The following SH3GL3 variants were observed in gnomAD, a reference collection of about 807,000 sequenced individuals.
SH3GL3 encodes the protein endophilin-A3.
SH3GL3 carries 33 observed loss-of-function variants against 47.7 expected under a neutral mutation model. The ratio of observed to expected loss-of-function variants is 0.69; its 90% confidence interval spans 0.52 to 0.92. SH3GL3 has a LOEUF of 0.92. SH3GL3 is among the 40% of genes least tolerant of loss of function. The probability of loss-of-function intolerance (pLI) is 0.00; values close to 1 mark genes in which losing one functional copy is unlikely to be tolerated. For missense variants in SH3GL3, 363 were observed against 417.8 expected (o/e 0.87, Z 1.14); for synonymous variants, 155 against 148.8 (o/e 1.04, Z -0.30).
intron 1 of SH3GL3, among the ~76,000 whole-genome samples, chr15:83,470,311 G>C (rs559116709): frequency 1.3e-5 from 2 of 152,244 alleles, no homozygotes; most frequent in South Asian, 4.1e-4. Flanking sequence ...TGCAACCTCT[G>C]CCTCCTGGGT....
intron 1 of SH3GL3, among the ~76,000 whole-genome samples, chr15:83,521,493 C>G (rs1254414124): frequency 1.3e-5 from 2 of 152,090 alleles, no homozygotes; most frequent in African/African-American, 2.4e-5. Flanking sequence ...CCAGGAGATA[C>G]CACAGCGCTC....
intron 5 of SH3GL3, among the ~76,000 whole-genome samples, chr15:83,575,255 G>A (rs1246767924): frequency 6.6e-6 from 1 of 152,112 alleles, no homozygotes; most frequent in African/African-American, 2.4e-5. Flanking sequence ...ATTTCTTCTT[G>A]TGCTGTCATC....
In SH3GL3 at chr15:83,572,646, C is replaced by A; in HGVS notation, c.413C>A (p.Thr138Asn). 1 of 1,611,400 alleles carries A rather than the reference C, an allele frequency of 6.2e-7. No individual in the cohort carries two copies. The change falls in exon 5 of 9, where the codon ACT becomes AAT. Residue 138 changes from threonine (T) to asparagine (N), a missense_variant. Coordinates refer to ENST00000427482, the MANE Select transcript of SH3GL3 (RefSeq NM_003027.5). ...TCTCTTGATATTAATGTAAAGCAAA[C>A]TTTTATTGATCCACTTCAGTTACTA... ...KDSLDINVKQ[T>N]FIDPLQLLQD...
intron 1 of SH3GL3, among the ~76,000 whole-genome samples, chr15:83,452,707 G>T: frequency 3.5e-5 from 1 of 28,290 alleles, no homozygotes; most frequent in Non-Finnish European, 6.7e-5. Flanking sequence ...GAGATTTTGG[G>T]CTGAGACGAT....
chr15:83,565,344 T>G (rs946952265), intron 3 of SH3GL3, 138 bp downstream of exon 3: 1 of 664,176 alleles, frequency 1.5e-6, no homozygotes, highest in Non-Finnish European at 2.7e-6. Flanking sequence ...AAGCTGAGTC[T>G]CCAGTGACCA....
chr15:83,570,035 TA>T (rs145415272), intron 4 of SH3GL3, among the ~76,000 whole-genome samples: 19,225 of 152,206 alleles, frequency 0.13, 1,515 homozygotes, highest in South Asian at 0.18. Flanking sequence ...TTAGTCTTCC[TA>T]TATGGTTTCT....
intron 1 of SH3GL3, among the ~76,000 whole-genome samples, chr15:83,491,388 G>C (rs199607237): frequency 6.6e-6 from 1 of 152,216 alleles, no homozygotes; most frequent in East Asian, 1.9e-4. Context: ...TTTAATGTTA[G>C]CATTCCCTCA....
intron 8 of SH3GL3, among the ~76,000 whole-genome samples, chr15:83,613,013 C>T (rs1212808093): frequency 6.6e-6 from 1 of 152,224 alleles, no homozygotes; most frequent in Non-Finnish European, 1.5e-5. Context: ...TTCCACCCTC[C>T]TCCTCAAGTA....
At chr15:83,633,787 G>C in the SH3GL3 span, among the ~76,000 whole-genome samples, 6 of 151,984 alleles carry the variant, frequency 3.9e-5, no homozygotes, top group African/African-American at 1.5e-4. Context: ...CCCTAACCTA[G>C]CTTTGGAATA....
intron 1 of SH3GL3, among the ~76,000 whole-genome samples, chr15:83,540,341 G>A (rs930178316): frequency 1.8e-4 from 27 of 152,074 alleles, no homozygotes; most frequent in Admixed American, 1.2e-3. Flanking sequence ...GATTGTTTTC[G>A]TCTGCTTGTT....
chr15:83,565,104 TACTA>T (rs754796484), intron 2 of SH3GL3, 26 bp from the exon 3 acceptor site: 57 of 984,088 alleles, frequency 5.8e-5, no homozygotes, highest in East Asian at 3.2e-4. Context: ...GTTTGTCATT[TACTA>T]ACTTTTTTTA....
chr15:83,589,215 T>A (rs887536525), intron 8 of SH3GL3, among the ~76,000 whole-genome samples: 1 of 151,896 alleles, frequency 6.6e-6, no homozygotes, highest in African/African-American at 2.4e-5. Context: ...GAAAAAAAAA[T>A]TTAATGGTAT....
intron 1 of SH3GL3, chr15:83,491,032 A>G (rs1596092993): frequency 1.4e-6 from 2 of 1,464,222 alleles, no homozygotes; most frequent in East Asian, 4.7e-5. Flanking sequence ...GAAGCCTTGT[A>G]TTAGCAAGGA....
intron 4 of SH3GL3, among the ~76,000 whole-genome samples, chr15:83,571,895 C>T (rs2045835049): frequency 6.6e-6 from 1 of 152,086 alleles, no homozygotes. Context: ...AAATTACTGC[C>T]GATTAACCGG....
At chr15:83,557,429 C>T (rs1409108071) in intron 1 of SH3GL3, among the ~76,000 whole-genome samples, 1 of 152,240 alleles carries the variant, frequency 6.6e-6, no homozygotes, top group African/African-American at 2.4e-5. Context: ...CTTCTGTACT[C>T]AGCCTGAAAA....
intron 1 of SH3GL3, among the ~76,000 whole-genome samples, chr15:83,539,699 G>A (rs1343183575): frequency 6.6e-6 from 1 of 152,026 alleles, no homozygotes; most frequent in African/African-American, 2.4e-5. Context: ...ATATTTCTCA[G>A]TCTTCTCTTA....
At chr15:83,464,988 T>TATAATAATAATAATA (rs143393694) in intron 1 of SH3GL3, among the ~76,000 whole-genome samples, 12 of 141,532 alleles carry the variant, frequency 8.5e-5, no homozygotes, top group Admixed American at 1.4e-4. Flanking sequence ...GAACTTAAAG[T>TATAATAATAATAATA]ATAATAATAA....
At chr15:83,525,863 C>T (rs1017940867) in intron 1 of SH3GL3, among the ~76,000 whole-genome samples, 1 of 152,060 alleles carries the variant, frequency 6.6e-6, no homozygotes, top group Non-Finnish European at 1.5e-5. Context: ...GTTCTCTATT[C>T]GTGTTCTGTT....
intron 1 of SH3GL3, among the ~76,000 whole-genome samples, chr15:83,535,025 C>A (rs560714072): frequency 6.6e-6 from 1 of 152,058 alleles, no homozygotes; most frequent in East Asian, 1.9e-4. Flanking sequence ...ATAATGAAGT[C>A]AAAGTTTTAA....
Sources: gnomAD v4.1 joint callset for allele counts (sites outside exome capture counted in the v4.1 genomes callset) on GRCh38, gnomAD v4.1.1 for gene constraint, MANE v1.5 for transcripts, NCBI Gene and HGNC (gene_info 2026-07-23, HGNC 2026-07-21) for gene names.